Variants in TMEM63C observed in about 807,000 individuals in gnomAD.
The protein encoded by TMEM63C is osmosensitive cation channel TMEM63C.
A neutral mutation model predicts 99.2 loss-of-function variants in TMEM63C; 32 were observed. The ratio of observed to expected loss-of-function variants is 0.32; its 90% CI spans 0.24 to 0.43. The LOEUF is 0.43. Among genes scored for constraint, TMEM63C ranks in the 20% least tolerant of loss-of-function variants. The pLI, the probability that TMEM63C is intolerant of heterozygous loss-of-function variation, is 1.00. For missense variants in TMEM63C, 826 were observed against 1,053.0 expected (o/e 0.78, Z 2.98); for synonymous variants, 376 against 397.9 (o/e 0.94, Z 0.66).
chr14:77,224,403 T>C (rs989358319), intron 5 of TMEM63C, among the ~76,000 whole-genome samples: 3 of 151,918 alleles, frequency 2.0e-5, no homozygotes, highest in African/African-American at 7.2e-5. Flanking sequence ...AATCAAGAGG[T>C]CTGCCTGGTT....
At chr14:77,217,281 TA>T (rs1888607145) in intron 2 of TMEM63C, among the ~76,000 whole-genome samples, 1 of 152,114 alleles carries the variant, frequency 6.6e-6, no homozygotes, top group African/African-American at 2.4e-5. Context: ...CTCCTCCACT[TA>T]AAGTGCTCTT....
intron 6 of TMEM63C, 105 bp from the exon 7 acceptor site, chr14:77,231,483 C>A: frequency 1.1e-4 from 118 of 1,079,644 alleles, no homozygotes; most frequent in Non-Finnish European, 1.4e-4. Flanking sequence ...AAAAAAAAAA[C>A]TTGGGGAGGG....
intron 1 of TMEM63C, among the ~76,000 whole-genome samples, chr14:77,188,168 C>T (rs906343511): frequency 6.6e-6 from 1 of 152,142 alleles, no homozygotes; most frequent in Non-Finnish European, 1.5e-5. Flanking sequence ...ATGCTACCTC[C>T]TTGATGAAGC....
intron 14 of TMEM63C, 57 bp downstream of exon 14, chr14:77,242,526 A>G: frequency 6.3e-7 from 1 of 1,595,048 alleles, no homozygotes; most frequent in Non-Finnish European, 8.6e-7. Context: ...TGAAGAAGGC[A>G]GCAGGACAGG....
chr14:77,189,003 C>T (rs1888053733), intron 1 of TMEM63C, among the ~76,000 whole-genome samples: 1 of 152,080 alleles, frequency 6.6e-6, no homozygotes, highest in South Asian at 2.1e-4. Flanking sequence ...TGTGTACATA[C>T]ACATATGGAT....
At chr14:77,189,490 A>G (rs990164600) in intron 1 of TMEM63C, among the ~76,000 whole-genome samples, 4 of 152,198 alleles carry the variant, frequency 2.6e-5, no homozygotes, top group Non-Finnish European at 4.4e-5. Context: ...TTCTGTTGCA[A>G]TGCCTACCAA....
At chr14:77,227,522 G>A (rs538841800) in intron 6 of TMEM63C, among the ~76,000 whole-genome samples, 1 of 152,388 alleles carries the variant, frequency 6.6e-6, no homozygotes, top group East Asian at 1.9e-4. Flanking sequence ...AGAAAGGTCA[G>A]AGTTAGAGAT....
At chr14:77,238,857 T>G (rs1889107268) in intron 10 of TMEM63C, 90 bp downstream of exon 10, 1 of 1,057,126 alleles carries the variant, frequency 9.5e-7, no homozygotes, top group East Asian at 2.4e-5. Flanking sequence ...TGGTGCAGGA[T>G]GGTGGGACTG....
chr14:77,202,829 AC>A (rs1888321883), intron 1 of TMEM63C, among the ~76,000 whole-genome samples: 1 of 16,264 alleles, frequency 6.1e-5, no homozygotes, highest in African/African-American at 2.9e-4. Flanking sequence ...GCAGGCGCAC[AC>A]ACACACACAC....
chr14:77,183,245 A>G (rs1224359402), intron 1 of TMEM63C, among the ~76,000 whole-genome samples: 1 of 152,106 alleles, frequency 6.6e-6, no homozygotes, highest in African/African-American at 2.4e-5. Flanking sequence ...CAGCCACCAA[A>G]GGGCAGACTG....
chr14:77,187,577 C>T (rs1477932977), intron 1 of TMEM63C, among the ~76,000 whole-genome samples: 4 of 152,212 alleles, frequency 2.6e-5, no homozygotes, highest in African/African-American at 9.6e-5. Flanking sequence ...CACGGAGCAG[C>T]CAGGGAGGAA....
At chr14:77,235,294 G>A (rs1201713123) in intron 8 of TMEM63C, among the ~76,000 whole-genome samples, 1 of 150,288 alleles carries the variant, frequency 6.7e-6, no homozygotes, top group African/African-American at 2.5e-5. Flanking sequence ...GATTGTGATC[G>A]GTGGGAGGGG....
chr14:77,186,692 AAAAAC>A (rs1887999866), intron 1 of TMEM63C, among the ~76,000 whole-genome samples: 1 of 152,188 alleles, frequency 6.6e-6, no homozygotes, highest in African/African-American at 2.4e-5. Flanking sequence ...CCTTGTCTCA[AAAAAC>A]AAAACAAAAT....
chr14:77,209,011 CA>C, intron 1 of TMEM63C, among the ~76,000 whole-genome samples: 1 of 152,142 alleles, frequency 6.6e-6, no homozygotes, highest in Middle Eastern at 3.4e-3. Flanking sequence ...GGAGTGACTG[CA>C]GCGGAGGGAC....
intron 5 of TMEM63C, among the ~76,000 whole-genome samples, chr14:77,224,205 G>T (rs145232115): frequency 1.3e-5 from 2 of 152,098 alleles, no homozygotes; most frequent in Admixed American, 1.3e-4. Context: ...GGGAGCAAGG[G>T]ACTTCTATTT....
chr14:77,231,557 A>T, intron 6 of TMEM63C, 31 bp from the exon 7 acceptor site: 1 of 1,549,726 alleles, frequency 6.5e-7, no homozygotes, highest in Non-Finnish European at 8.7e-7. Context: ...CTGGCTCCTG[A>T]GGCACGTCCT....
At chr14:77,218,249 T>C (rs371796318) in intron 2 of TMEM63C, among the ~76,000 whole-genome samples, 2 of 119,454 alleles carry the variant, frequency 1.7e-5, no homozygotes, top group East Asian at 2.7e-4. Context: ...AAGAGGGGGG[T>C]GTTTCTTGAG....
chr14:77,230,578 G>C (rs948979410), intron 6 of TMEM63C, among the ~76,000 whole-genome samples: 4 of 152,182 alleles, frequency 2.6e-5, no homozygotes, highest in African/African-American at 9.7e-5. Context: ...CCTCCTGTCA[G>C]ATCAGCGGCG....
Position 77,231,501 on chromosome 14 carries a change from A to C in TMEM63C, c.351-87A>C, listed in dbSNP as rs1594862345. On this transcript the variant is annotated intron_variant, in intron 6 of 23. Coordinates refer to ENST00000298351, the MANE Select transcript of TMEM63C (RefSeq NM_020431.4). ...AAAAAAACTTGGGGAGGGGGTGATC[A>C]TTTTCTGCCCTTCCCTCTACCTCCC... The C allele has an allele frequency of 6.2e-6, 9 of 1,459,090 alleles. No homozygotes were observed. The Admixed American group carries it at 1.7e-4, about 28-fold the overall frequency. 90.4% of individuals were successfully genotyped at this position (1,459,090 alleles called of 1,614,324 possible). A position where few individuals can be genotyped will look rare whatever the true frequency, so the allele number is the denominator to read the frequency against.
Sources: gnomAD v4.1 joint callset for allele counts (sites outside exome capture counted in the v4.1 genomes callset) on GRCh38, gnomAD v4.1.1 for gene constraint, MANE v1.5 for transcripts, NCBI Gene and HGNC (gene_info 2026-07-23, HGNC 2026-07-21) for gene names.